GRID2: variants seen among roughly 807,000 people sequenced by gnomAD.
GRID2 encodes the protein glutamate ionotropic receptor delta type subunit 2, also known as glutamate receptor ionotropic, delta-2.
In GRID2, 33 loss-of-function variants were observed where a neutral mutation model predicts 114.8. The ratio of observed to expected loss-of-function variants is 0.29; its 90% confidence interval spans 0.22 to 0.38. The LOEUF (loss-of-function observed/expected upper bound fraction) is 0.38. GRID2 is among the 10% of genes least tolerant of loss of function. The pLI, the probability that GRID2 is intolerant of heterozygous loss-of-function variation, is 1.00. For synonymous variants in GRID2, 505 were observed against 449.9 expected (o/e 1.12, Z -1.55); for missense variants, 1,184 against 1,257.7 (o/e 0.94, Z 0.89).
At chr4:93,110,979 G>T in intron 4 of GRID2, 26 bp downstream of exon 4, 1 of 1,411,384 alleles carries the variant, frequency 7.1e-7, no homozygotes, top group South Asian at 1.1e-5. Context: ...CTTGGGGTGA[G>T]AGTTGTACAA....
intron 2 of GRID2, among the ~76,000 whole-genome samples, chr4:93,038,772 CAG>C (rs1250883637): frequency 6.6e-6 from 1 of 150,984 alleles, no homozygotes; most frequent in Non-Finnish European, 1.5e-5. Context: ...GCCTGGGTGA[CAG>C]AGTGAGACTC....
At chr4:92,530,385 A>C (rs1725276333) in intron 1 of GRID2, among the ~76,000 whole-genome samples, 1 of 151,824 alleles carries the variant, frequency 6.6e-6, no homozygotes, top group East Asian at 1.9e-4. Flanking sequence ...CATACGAACT[A>C]TTCTTCTATT....
At chr4:92,628,214 C>T (rs1324198270) in intron 2 of GRID2, among the ~76,000 whole-genome samples, 2 of 152,134 alleles carry the variant, frequency 1.3e-5, no homozygotes, top group African/African-American at 4.8e-5. Context: ...GTGCCTGTTT[C>T]CTTCTGGTGT....
At chr4:92,859,015 T>C (rs1005915870) in intron 2 of GRID2, among the ~76,000 whole-genome samples, 5 of 152,234 alleles carry the variant, frequency 3.3e-5, no homozygotes, top group Non-Finnish European at 7.3e-5. Context: ...TTCCAGAGGA[T>C]TGACTCCAAT....
chr4:93,017,300 G>A (rs1202129591), intron 2 of GRID2, among the ~76,000 whole-genome samples: 1 of 152,102 alleles, frequency 6.6e-6, no homozygotes, highest in East Asian at 1.9e-4. Flanking sequence ...TACAGTTTTA[G>A]ATTCTAAATA....
intron 14 of GRID2, among the ~76,000 whole-genome samples, chr4:93,661,955 A>C (rs1578505709): frequency 6.6e-6 from 1 of 152,094 alleles, no homozygotes; most frequent in African/African-American, 2.4e-5. Context: ...GTCCTACAGC[A>C]TGTGGGCTCC....
chr4:93,605,741 G>A (rs746023163), intron 13 of GRID2, among the ~76,000 whole-genome samples: 2 of 152,176 alleles, frequency 1.3e-5, no homozygotes, highest in African/African-American at 4.8e-5. Context: ...TGAAAAGCAT[G>A]CAGTTCCAGC....
intron 2 of GRID2, among the ~76,000 whole-genome samples, chr4:92,713,470 CATATACATATATATATATATATAT>C (rs1476300391): frequency 5.2e-4 from 39 of 74,868 alleles, no homozygotes; most frequent in East Asian, 3.1e-3. Context: ...TTTACATATA[CATATACATATATATATATATATAT>C]ATATATATAT....
At chr4:93,031,767 C>T (rs1270792809) in intron 2 of GRID2, among the ~76,000 whole-genome samples, 1 of 151,476 alleles carries the variant, frequency 6.6e-6, no homozygotes, top group African/African-American at 2.4e-5. Flanking sequence ...TAATAAATTA[C>T]CCAGTCTTAG....
chr4:93,416,488 A>C (rs1413946249), intron 9 of GRID2, among the ~76,000 whole-genome samples: 1 of 152,034 alleles, frequency 6.6e-6, no homozygotes, highest in Admixed American at 6.6e-5. Context: ...CAGAATTATA[A>C]AGAATTTCCA....
rs948269325 is a variant in GRID2, at chr4:93,177,507, C to T, written c.736-29897C>T. Among the ~76,000 whole-genome samples the T allele has an allele frequency of 8.1e-4, 123 of 152,082 alleles. 1 individual carries two copies. Among genetic ancestry groups the T allele is most frequent in the African/African-American group, 2.9e-3 (122 of 41,442 alleles). On this transcript the variant is annotated intron_variant, in intron 4 of 15. Transcript: ENST00000282020. ...GAGCAAAGAAATCAAGATTTAAACC[C>T]ACGTATATCCGATTCTTGAGCAAAA...
intron 8 of GRID2, among the ~76,000 whole-genome samples, chr4:93,384,158 T>C (rs1764109132): frequency 6.6e-6 from 1 of 152,092 alleles, no homozygotes; most frequent in Non-Finnish European, 1.5e-5. Flanking sequence ...GCAACTTCCT[T>C]CAGTTCATTT....
chr4:93,155,776 G>T (rs1333072144), intron 4 of GRID2, among the ~76,000 whole-genome samples: 2 of 151,706 alleles, frequency 1.3e-5, no homozygotes, highest in African/African-American at 4.8e-5. Context: ...AGAAGTGTAG[G>T]GGAAAATACA....
At chr4:92,641,610 A>C (rs1343008194) in intron 2 of GRID2, among the ~76,000 whole-genome samples, 1 of 151,856 alleles carries the variant, frequency 6.6e-6, no homozygotes, top group African/African-American at 2.4e-5. Flanking sequence ...AATGTACAAC[A>C]TGATGACGTA....
At chr4:93,734,741 G>T (rs1730780267) in intron 14 of GRID2, among the ~76,000 whole-genome samples, 6 of 151,914 alleles carry the variant, frequency 3.9e-5, no homozygotes, top group Admixed American at 3.3e-4. Flanking sequence ...AAAATGCCAG[G>T]ATGGTCTACA....
chr4:92,417,659 A>T (rs1489920586), intron 1 of GRID2, among the ~76,000 whole-genome samples: 1 of 152,158 alleles, frequency 6.6e-6, no homozygotes, highest in East Asian at 1.9e-4. Flanking sequence ...TTGCAGTATA[A>T]TGTGAGGAGG....
chr4:93,411,623 C>T (rs1476986740), intron 9 of GRID2, among the ~76,000 whole-genome samples: 3 of 151,928 alleles, frequency 2.0e-5, no homozygotes, highest in Admixed American at 6.6e-5. Flanking sequence ...TTAGTAGAGA[C>T]GAGTTTCACT....
chr4:92,651,168 T>C (rs1234927657), intron 2 of GRID2, among the ~76,000 whole-genome samples: 1 of 152,052 alleles, frequency 6.6e-6, no homozygotes, highest in Non-Finnish European at 1.5e-5. Flanking sequence ...AAAACCTGTA[T>C]CCAGAATAAA....
chr4:93,501,057 G>A (rs1369124615), intron 12 of GRID2, among the ~76,000 whole-genome samples: 1 of 151,942 alleles, frequency 6.6e-6, no homozygotes, highest in African/African-American at 2.4e-5. Flanking sequence ...CTTATGTAGT[G>A]TATTGTGTGA....
Sources: gnomAD v4.1 joint callset for allele counts (sites outside exome capture counted in the v4.1 genomes callset) on GRCh38, gnomAD v4.1.1 for gene constraint, MANE v1.5 for transcripts, NCBI Gene and HGNC (gene_info 2026-07-23, HGNC 2026-07-21) for gene names.